EPRS1: variants seen among roughly 807,000 people sequenced by gnomAD.
EPRS1 encodes glutamyl-prolyl-tRNA synthetase 1.
EPRS1 carries 107 observed loss-of-function variants against 188.3 expected under a neutral mutation model. The observed-to-expected ratio is 0.57, with a 90% CI of 0.49 to 0.67. The LOEUF is 0.67. EPRS1 is among the 30% of genes least tolerant of loss of function. The pLI is 0.00. For missense variants in EPRS1, 1,577 were observed against 1,802.2 expected (o/e 0.88, Z 2.26); for synonymous variants, 596 against 593.1 (o/e 1.00, Z -0.07).
At chr1:219,996,241 T>C (rs1661229318) in intron 18 of EPRS1, among the ~76,000 whole-genome samples, 1 of 152,232 alleles carries the variant, frequency 6.6e-6, no homozygotes, top group Non-Finnish European at 1.5e-5. Context: ...AAGAATATAA[T>C]TTATACTTCA....
chr1:219,990,961 G>T (rs1415587564), intron 18 of EPRS1, among the ~76,000 whole-genome samples: 1 of 151,958 alleles, frequency 6.6e-6, no homozygotes, highest in Non-Finnish European at 1.5e-5. Context: ...AAACAGAAAA[G>T]GTTTTCAGCA....
intron 2 of EPRS1, among the ~76,000 whole-genome samples, chr1:220,037,956 T>C (rs1186305596): frequency 2.0e-5 from 3 of 152,054 alleles, no homozygotes; most frequent in Non-Finnish European, 4.4e-5. Flanking sequence ...AAATACAGAA[T>C]GGTAATCAAA....
chr1:220,018,200 A>G, intron 12 of EPRS1: 1 of 1,343,170 alleles, frequency 7.4e-7, no homozygotes, highest in Non-Finnish European at 1.0e-6. Context: ...TAAGGAAAAA[A>G]ATATTACTGT....
At chr1:219,983,541 T>G (rs1210433973) in intron 21 of EPRS1, 143 bp from the exon 22 acceptor site, 1 of 622,324 alleles carries the variant, frequency 1.6e-6, no homozygotes, top group Non-Finnish European at 2.8e-6. Flanking sequence ...ATAATGGAAG[T>G]AAAACAGACC....
chr1:220,037,450 A>T (rs575106894), intron 2 of EPRS1, among the ~76,000 whole-genome samples: 215 of 149,382 alleles, frequency 1.4e-3, no homozygotes, highest in Non-Finnish European at 2.7e-3. Context: ...GGTTGCAGTG[A>T]GCCTGGATTG....
intron 16 of EPRS1, among the ~76,000 whole-genome samples, chr1:220,001,634 T>C (rs1384707200): frequency 6.6e-6 from 1 of 152,114 alleles, no homozygotes; most frequent in African/African-American, 2.4e-5. Flanking sequence ...ACTGCACCTG[T>C]CCAGTTAATG....
At chr1:220,037,856 T>TGGA (rs1662216434) in intron 2 of EPRS1, among the ~76,000 whole-genome samples, 1 of 152,104 alleles carries the variant, frequency 6.6e-6, no homozygotes, top group Non-Finnish European at 1.5e-5. Flanking sequence ...CAAACACCAA[T>TGGA]TACTCCATGG....
intron 27 of EPRS1, among the ~76,000 whole-genome samples, chr1:219,979,213 A>G (rs1485446529): frequency 6.6e-6 from 1 of 152,270 alleles, no homozygotes; most frequent in Non-Finnish European, 1.5e-5. Context: ...TTATATAAGT[A>G]GCTTAAAAAT....
intron 23 of EPRS1, chr1:219,982,561 CT>C (rs1660919163): frequency 5.3e-6 from 2 of 377,174 alleles, no homozygotes; most frequent in South Asian, 2.6e-4. Context: ...ATTAAAAATC[CT>C]ATAATTTAAT....
Position 220,001,157 on chromosome 1 carries a change from A to C in EPRS1, c.2162T>G (p.Val721Gly), listed in dbSNP as rs764765668. ...CATTACCTCATTTTTTGTGGCTTCT[A>C]CTTTGGTCTTTTCCTTTGACCCTGA... is the stretch of plus-strand genomic sequence containing the variant. Reference protein sequence around the residue: ...PTSGSKEKTKVEATKNETSAP... With the variant: ...PTSGSKEKTKGEATKNETSAP... The change falls in exon 17 of 32, where the codon GTA (valine) becomes GGA (glycine). Residue 721 changes from valine (V) to glycine (G), a missense_variant. By Grantham distance (109) the Val-to-Gly change is moderately radical. Transcript: ENST00000366923. The C allele has an allele frequency of 6.2e-7, 1 of 1,610,042 alleles. No individual in the cohort carries two copies. The highest frequency in any genetic ancestry group is 8.5e-7 in the Non-Finnish European group (1 of 1,176,368).
intron 1 of EPRS1, among the ~76,000 whole-genome samples, chr1:220,042,056 C>G (rs1662305354): frequency 6.6e-6 from 1 of 151,972 alleles, no homozygotes; most frequent in African/African-American, 2.4e-5. Context: ...CAGCACAGGC[C>G]TGTAGTCCCA....
In EPRS1 at chr1:220,006,403, T is replaced by A. The variant is rs865967229; in HGVS notation, c.1743-90A>T. 34 of 366,376 alleles carry A rather than the reference T, an allele frequency of 9.3e-5. No individual in the cohort carries two copies. In the Middle Eastern group the frequency reaches 3.5e-3, roughly 37 times the overall value. The allele number at this position is 366,376 out of a possible 1,614,324, so 22.7% of individuals were successfully genotyped here. On this transcript the variant is annotated intron_variant, in intron 14 of 31. Transcript: ENST00000366923. ...GTTCTATAATAATTTTATATTATTA[T>A]AAAATAATTTATTGTTTTATTTTGT...
intron 16 of EPRS1, among the ~76,000 whole-genome samples, chr1:220,003,856 A>C (rs1247584098): frequency 6.6e-6 from 1 of 152,256 alleles, no homozygotes; most frequent in Admixed American, 6.5e-5. Context: ...CCACAAGGCC[A>C]TTCCAGGAAA....
rs756404169 is a variant in EPRS1 at position 220,011,046 on chromosome 1, G to T, written c.1505C>A (p.Pro502Gln). ...IWAFNKKVID[P>Q]VAPRYVALLK... ...TAATGCAACATATCGTGGAGCCACT[G>T]GGTCAATAACCTGCAACAAATACAT... Residue 502 changes from proline (P) to glutamine (Q), a missense_variant, in exon 13 of 32, where the codon CCA becomes CAA. Around this residue, in one of 3 missense-constraint regions of EPRS1, gnomAD observed 1,278 missense variants for 1,457.4 expected, o/e 0.88. Transcript: ENST00000366923. 1.2e-6 allele frequency: 2 copies of T among 1,601,970 alleles called. No individual in the cohort carries two copies. Among genetic ancestry groups the T allele is most frequent in the South Asian group, 2.2e-5 (2 of 90,808 alleles).
chr1:220,024,883 A>G (rs1435766393), intron 7 of EPRS1, among the ~76,000 whole-genome samples: 1 of 152,240 alleles, frequency 6.6e-6, no homozygotes, highest in African/African-American at 2.4e-5. Flanking sequence ...TGACCATTTA[A>G]TAAATTGGTA....
chr1:220,008,214 C>A (rs1244908898), intron 13 of EPRS1, among the ~76,000 whole-genome samples: 1 of 150,384 alleles, frequency 6.6e-6, no homozygotes, highest in African/African-American at 2.5e-5. Context: ...CATTATAGGA[C>A]AACAGATGCC....
chr1:220,046,497 G>A lies in EPRS1; in HGVS notation c.-109C>T. ...ACGTGTGCGCGTACCCGACGCCGCC[G>A]CAGCCTTCGCTCCGCCCCTGCGCCG... On this transcript the variant is annotated 5_prime_UTR_variant, in exon 1 of 32. Coordinates refer to ENST00000366923, the MANE Select transcript of EPRS1 (RefSeq NM_004446.3). 1 of 1,515,762 alleles carries A rather than the reference G, an allele frequency of 6.6e-7. No individual in the cohort carries two copies. The highest frequency in any genetic ancestry group is 1.2e-5 in the South Asian group (1 of 81,174). The allele number at this position is 1,515,762 out of a possible 1,614,324, so 93.9% of individuals were successfully genotyped here.
At chr1:219,990,146 C>T (rs892115280) in intron 18 of EPRS1, among the ~76,000 whole-genome samples, 6 of 149,442 alleles carry the variant, frequency 4.0e-5, no homozygotes, top group South Asian at 4.2e-4. Context: ...AAACCCCGTT[C>T]GCCAAGATTA....
intron 1 of EPRS1, among the ~76,000 whole-genome samples, chr1:220,043,038 T>C (rs1293630845): frequency 6.6e-6 from 1 of 152,106 alleles, no homozygotes; most frequent in East Asian, 1.9e-4. Context: ...TATAAGAATA[T>C]ATATAATATG....
Sources: allele counts gnomAD v4.1 joint callset (sites outside exome capture counted in the v4.1 genomes callset), GRCh38; gene constraint gnomAD v4.1.1; regional missense constraint gnomAD v4.1.1; transcripts MANE v1.5; gene names NCBI Gene and HGNC (gene_info 2026-07-23, HGNC 2026-07-21).